The following VGLL2 variants were observed in gnomAD, a reference collection of about 807,000 sequenced individuals.
VGLL2 encodes vestigial like family member 2, also known as transcription cofactor vestigial-like protein 2.
Under a neutral mutation model 27.0 loss-of-function variants are expected in VGLL2, and 18 were observed. That is an observed-to-expected ratio of 0.67 (90% CI 0.46 to 0.99). VGLL2 has a LOEUF of 0.99. VGLL2 is among the 50% of genes least tolerant of loss of function. VGLL2 has a pLI of 0.00. For missense variants in VGLL2, 491 were observed against 452.3 expected (o/e 1.09, Z -0.78); for synonymous variants, 220 against 201.1 (o/e 1.09, Z -0.80).
Position 117,270,746 on chromosome 6 carries a change from CCGCACCACG to C in VGLL2, c.602_610del (p.His201_His203del). 6.6e-7 allele frequency: 1 copy of C among 1,511,068 alleles called. No individual in the cohort carries two copies. The highest frequency in any genetic ancestry group is 8.8e-7 in the Non-Finnish European group (1 of 1,139,604). The allele number at this position is 1,511,068 out of a possible 1,614,324, so 93.6% of individuals were successfully genotyped here. ...CACGGAGCCCTGGCACCACGCGCAC[CCGCACCACG>C]CGCACCCGCATCACCCCTACGCCCT... On this transcript the variant is annotated inframe_deletion, in exon 3 of 4. Coordinates refer to ENST00000326274, the MANE Select transcript of VGLL2 (RefSeq NM_182645.3).
Position 117,272,813 on chromosome 6 carries a change from T to C in VGLL2, c.*319T>C. On this transcript the variant is annotated 3_prime_UTR_variant, in exon 4 of 4. Transcript: ENST00000326274. The stretch of plus-strand genomic sequence containing the variant: ...AACGGGGGAAAGAAAATGAAACTTT[T>C]TGGTGTGAATATTTTTTATGCTGAT... 2.3e-6 allele frequency: 1 copy of C among 425,930 alleles called. No individual in the cohort carries two copies. The highest frequency in any genetic ancestry group is 4.2e-6 in the Non-Finnish European group (1 of 239,244). The allele number at this position is 425,930 out of a possible 1,614,324, so 26.4% of individuals were successfully genotyped here.
intron 3 of VGLL2, among the ~76,000 whole-genome samples, chr6:117,271,638 A>G (rs1773204147): frequency 6.6e-6 from 1 of 152,154 alleles, no homozygotes; most frequent in South Asian, 2.1e-4. Flanking sequence ...AATATTTAGA[A>G]TTATGCTTAT....
In VGLL2 at chr6:117,265,770, T is replaced by C; in HGVS notation, c.7T>C (p.Cys3Arg). ...GTCTCCGCTGCGGAGAGTCATGAGCTGTCTGGATGTTATGTACCAAGTCTA... is the reference window on the plus strand; with the variant it reads ...GTCTCCGCTGCGGAGAGTCATGAGCCGTCTGGATGTTATGTACCAAGTCTA... MS[C>R]LDVMYQVYGP... Residue 3 changes from cysteine (C) to arginine (R), a missense_variant, in exon 1 of 4, where the codon TGT (cysteine) becomes CGT (arginine). Physicochemically the swap from Cys to Arg is radical, Grantham distance 180. Coordinates refer to ENST00000326274, the MANE Select transcript of VGLL2 (RefSeq NM_182645.3). 6.2e-7 allele frequency: 1 copy of C among 1,614,056 alleles called. No homozygotes were observed. The highest frequency in any genetic ancestry group is 8.5e-7 in the Non-Finnish European group (1 of 1,179,912).
chr6:117,268,137 A>C, intron 1 of VGLL2, 45 bp from the exon 2 acceptor site: 2 of 1,589,310 alleles, frequency 1.3e-6, no homozygotes, highest in Non-Finnish European at 1.7e-6. Context: ...CGAATTTGCC[A>C]TCGCTTTTGA....
intron 1 of VGLL2, among the ~76,000 whole-genome samples, chr6:117,266,892 C>T (rs1244629820): frequency 6.6e-6 from 1 of 152,170 alleles, no homozygotes; most frequent in Non-Finnish European, 1.5e-5. Context: ...ATAGGGTTCA[C>T]TTTTTGTTTT....
intron 2 of VGLL2, 91 bp from the exon 3 acceptor site, chr6:117,270,452 G>T: frequency 2.1e-6 from 3 of 1,418,936 alleles, no homozygotes; most frequent in South Asian, 1.5e-5. Flanking sequence ...TTCGTCTCTC[G>T]GGCGGGACGT....
intron 1 of VGLL2, 116 bp from the exon 2 acceptor site, chr6:117,268,066 G>A (rs1773104626): frequency 4.6e-6 from 5 of 1,092,450 alleles, no homozygotes; most frequent in Non-Finnish European, 6.7e-6. Context: ...CAAGGCTTAA[G>A]CCCATATGCC....
At chr6:117,267,473 A>T (rs899912288) in intron 1 of VGLL2, among the ~76,000 whole-genome samples, 1 of 151,736 alleles carries the variant, frequency 6.6e-6, no homozygotes, top group African/African-American at 2.4e-5. Flanking sequence ...ATTAAAGAGA[A>T]GATCTGTTTA....
Position 117,268,394 on chromosome 6 carries a change from G to T in VGLL2, c.294G>T (p.Val98=). 1.2e-6 allele frequency: 2 copies of T among 1,614,058 alleles called. No individual in the cohort carries two copies. The highest frequency in any genetic ancestry group is 1.7e-6 in the Non-Finnish European group (2 of 1,180,006). The part of the protein sequence containing the change: ...FTYFQGDISS[V]VDEHFSRALS... ...ATTTCCAGGGGGACATCAGCTCCGT[G>T]GTGGATGAACATTTCAGCAGGGCCC... The change falls in exon 2 of 4, where the codon GTG becomes GTT. Residue 98 remains valine, a synonymous_variant. Coordinates refer to ENST00000326274, the MANE Select transcript of VGLL2 (RefSeq NM_182645.3).
Position 117,270,899 on chromosome 6 carries a change from C to A in VGLL2, c.748C>A (p.Arg250Ser). The change falls in exon 3 of 4, where the codon CGC becomes AGC. Residue 250 changes from arginine (R) to serine (S), a missense_variant. Coordinates refer to ENST00000326274, the MANE Select transcript of VGLL2 (RefSeq NM_182645.3). ...GPLLMPAASG[R>S]PARLATAPAP... The stretch of plus-strand genomic sequence containing the variant: ...GCTGCTGATGCCAGCCGCCTCGGGG[C>A]GCCCGGCCCGCCTCGCAACCGCCCC... 7.9e-7 allele frequency: 1 copy of A among 1,266,270 alleles called. No homozygotes were observed. Among genetic ancestry groups the A allele is most frequent in the Non-Finnish European group, 9.9e-7 (1 of 1,010,406 alleles). The allele number at this position is 1,266,270 out of a possible 1,614,324, so 78.4% of individuals were successfully genotyped here.
Position 117,270,443 on chromosome 6 carries a change from T to G in VGLL2, c.392-100T>G. On this transcript the variant is annotated intron_variant, in intron 2 of 3. Coordinates refer to ENST00000326274, the MANE Select transcript of VGLL2 (RefSeq NM_182645.3). ...CCAGCCCTGTGCCCGCCCGGCGCCT[T>G]CGTCTCTCGGGCGGGACGTGCAGGT... 4 of 1,389,806 alleles carry G rather than the reference T, an allele frequency of 2.9e-6. 1 individual carries two copies. The Admixed American group carries it at 8.5e-5, about 29-fold the overall frequency. 86.1% of individuals were successfully genotyped at this position (1,389,806 alleles called of 1,614,324 possible). A position where few individuals can be genotyped will look rare whatever the true frequency, so the allele number is the denominator to read the frequency against.
chr6:117,271,329 T>TAAC (rs1321901849), intron 3 of VGLL2, among the ~76,000 whole-genome samples: 5 of 146,428 alleles, frequency 3.4e-5, no homozygotes, highest in Non-Finnish European at 1.5e-5. Flanking sequence ...ATAATGATAA[T>TAAC]AATAATAATA....
At chr6:117,270,265 G>C (rs184080112) in intron 2 of VGLL2, among the ~76,000 whole-genome samples, 105 of 152,244 alleles carry the variant, frequency 6.9e-4, no homozygotes, top group African/African-American at 2.5e-3. Flanking sequence ...CTGAGGACTC[G>C]GCTGCGAAAT....
intron 2 of VGLL2, 58 bp from the exon 3 acceptor site, chr6:117,270,485 C>T (rs758040450): frequency 2.7e-6 from 4 of 1,507,778 alleles, no homozygotes; most frequent in Middle Eastern, 1.7e-4. Flanking sequence ...TGAGTCCAGC[C>T]GCAGTGACAC....
At chr6:117,272,167 T>G in intron 3 of VGLL2, 1 of 251,474 alleles carries the variant, frequency 4.0e-6, no homozygotes, top group Non-Finnish European at 6.2e-6. Flanking sequence ...CATTCCTTCT[T>G]TCTCCCTCCC....
Position 117,265,849 on chromosome 6 carries a change from G to A in VGLL2, c.81+5G>A, listed in dbSNP as rs375912664. On this transcript the variant is annotated splice_donor_5th_base_variant and intron_variant, in intron 1 of 3. Transcript: ENST00000326274. ...GCCTACACCCCCTACCACCAGGTAC[G>A]TGTCTCCTCTGGGGACTTTGGGAAG... 1.5e-4 allele frequency: 242 copies of A among 1,613,560 alleles called. No individual in the cohort carries two copies. Among genetic ancestry groups the A allele is most frequent in the Non-Finnish European group, 1.9e-4 (223 of 1,179,612 alleles).
Position 117,265,631 on chromosome 6 carries a change from C to G in VGLL2, c.-133C>G. The G allele has an allele frequency of 1.4e-6, 1 of 737,188 alleles. No homozygotes were observed. The highest frequency in any genetic ancestry group is 2.7e-5 in the East Asian group (1 of 37,102). The allele number at this position is 737,188 out of a possible 1,614,324, so 45.7% of individuals were successfully genotyped here. The stretch of plus-strand genomic sequence containing the variant: ...GTAGCGAGCCAGCTGGATTCCGAGC[C>G]GCGGAGCGCGCTGGCTTTGCTCCGC... On this transcript the variant is annotated 5_prime_UTR_variant, in exon 1 of 4. Transcript: ENST00000326274.
In VGLL2 at chr6:117,268,477, C is replaced by T. The variant is rs752718882; in HGVS notation, c.377C>T (p.Ser126Phe). The change falls in exon 2 of 4, where the codon TCT becomes TTT. Residue 126 changes from serine (S) to phenylalanine (F), a missense_variant. Transcript: ENST00000326274. ...ACCAGCAGCAAAGCACCAAGGAGCT[C>T]TGGGCCCTGGCGAGGTGAGTATAGG... ...SCTSSKAPRSSGPWRDCSFPM... is the reference protein window; with the variant it reads ...SCTSSKAPRSFGPWRDCSFPM... 3 of 1,609,864 alleles carry T rather than the reference C, an allele frequency of 1.9e-6. No homozygotes were observed. In the South Asian group the frequency reaches 3.3e-5, roughly 18 times the overall value.
At position 117,270,568 on chromosome 6, in the gene VGLL2, C is replaced by T. The variant is rs1184178863; in HGVS notation, c.417C>T (p.Arg139=). 1 of 1,599,196 alleles carries T rather than the reference C, an allele frequency of 6.3e-7. No individual in the cohort carries two copies. The highest frequency in any genetic ancestry group is 1.4e-5 in the African/African-American group (1 of 73,582). The change falls in exon 3 of 4, where the codon CGC becomes CGT. Residue 139 remains arginine, a synonymous_variant. Coordinates refer to ENST00000326274, the MANE Select transcript of VGLL2 (RefSeq NM_182645.3). ...WRDCSFPMSQ[R]SFPASFWNSA... ...ACTGCTCCTTCCCGATGAGCCAGCGCAGCTTCCCCGCCTCCTTCTGGAATA... is the reference window on the plus strand; with the variant it reads ...ACTGCTCCTTCCCGATGAGCCAGCGTAGCTTCCCCGCCTCCTTCTGGAATA...
Sources: allele counts gnomAD v4.1 joint callset (sites outside exome capture counted in the v4.1 genomes callset), GRCh38; gene constraint gnomAD v4.1.1; transcripts MANE v1.5; gene names NCBI Gene and HGNC (gene_info 2026-07-23, HGNC 2026-07-21).